SPTB: variants seen among roughly 807,000 people sequenced by gnomAD.
The protein encoded by SPTB is spectrin beta chain, erythrocytic.
A neutral mutation model predicts 256.2 loss-of-function variants in SPTB; 45 were observed. The observed-to-expected ratio is 0.18, with a 90% CI of 0.14 to 0.23. The LOEUF (loss-of-function observed/expected upper bound fraction) is 0.23. Among genes scored for constraint, SPTB ranks in the 10% least tolerant of loss-of-function variants. The pLI, the probability that SPTB is intolerant of heterozygous loss-of-function variation, is 1.00. For synonymous variants in SPTB, 1,231 were observed against 1,243.1 expected, an observed-to-expected ratio of 0.99 and a Z score of 0.21; for missense variants, 2,715 against 3,040.4, an observed-to-expected ratio of 0.89 and a Z score of 2.52.
chr14:64,862,666 G>A (rs1156354491), intron 1 of SPTB, among the ~76,000 whole-genome samples: 1 of 151,982 alleles, frequency 6.6e-6, no homozygotes, highest in Non-Finnish European at 1.5e-5. Flanking sequence ...CTGAGGTCAG[G>A]AGTTCAAGAC....
rs1196071323 is a variant in SPTB, at chr14:64,785,427, TC to T, written c.3855+109del. 6.2e-5 allele frequency: 60 copies of T among 969,352 alleles called. No individual in the cohort carries two copies. In the Admixed American group the frequency reaches 1.2e-3, roughly 19 times the overall value. The allele number at this position is 969,352 out of a possible 1,614,324, so 60.0% of individuals were successfully genotyped here. A position where few individuals can be genotyped will look rare whatever the true frequency, so the allele number is the denominator to read the frequency against. ...TACCCAGAGGTCCCCGCTCATGGAA[TC>T]CCACAGCTCTTGAGCTAGAAAGGAT... On this transcript the variant is annotated intron_variant, in intron 18 of 35. Coordinates refer to ENST00000644917, the MANE Select transcript of SPTB (RefSeq NM_001355436.2). This position sits in a 1 kb window ranked among gnomAD's most constrained non-coding sequence, Gnocchi z 4.4.
rs770916821 is a variant in SPTB, at chr14:64,784,375, C to T, written c.3874G>A (p.Asp1292Asn). The T allele has an allele frequency of 5.0e-6, 8 of 1,614,086 alleles. No homozygotes were observed. Among genetic ancestry groups the T allele is most frequent in the Middle Eastern group, 1.6e-4 (1 of 6,084 alleles). The change falls in exon 19 of 36, where the codon GAC becomes AAC. Residue 1292 changes from aspartate (D) to asparagine (N), a missense_variant. Around this residue, in one of 4 missense-constraint regions of SPTB, gnomAD observed 2,239 missense variants for 2,384.4 expected, o/e 0.94. Transcript: ENST00000644917. Reference sequence around the variant, plus strand: ...ACATCCTGAGATGTCAGCAGCTTGTCGTTGATCCAGAGAGTGAGCTGTGTG... The same window carrying T: ...ACATCCTGAGATGTCAGCAGCTTGTTGTTGATCCAGAGAGTGAGCTGTGTG... ...NCQELTLWIN[D>N]KLLTSQDVSY...
chr14:64,788,492 A>G (rs778990088), intron 15 of SPTB, among the ~76,000 whole-genome samples: 2 of 152,186 alleles, frequency 1.3e-5, no homozygotes, highest in Non-Finnish European at 2.9e-5. Context: ...ATCCTAGACC[A>G]TGAAGACCCC....
intron 2 of SPTB, among the ~76,000 whole-genome samples, chr14:64,810,497 TG>T (rs1038542983): frequency 1.3e-5 from 2 of 152,072 alleles, no homozygotes; most frequent in African/African-American, 4.8e-5. Flanking sequence ...CTGGCCAATA[TG>T]ATGAAACGCC....
chr14:64,822,853 C>CCCAACACACACAGAGGATT, intron 2 of SPTB, 94 bp downstream of exon 2: 1 of 1,571,186 alleles, frequency 6.4e-7, no homozygotes. Flanking sequence ...CCAGGGCTCA[C>CCCAACACACACAGAGGATT]CCAACACACA....
At chr14:64,821,383 C>G (rs1312585322) in intron 2 of SPTB, among the ~76,000 whole-genome samples, 1 of 152,134 alleles carries the variant, frequency 6.6e-6, no homozygotes, top group East Asian at 1.9e-4. Flanking sequence ...GTACAACAAG[C>G]AACTGTTAAA....
chr14:64,843,267 G>A (rs2083636187), intron 1 of SPTB, among the ~76,000 whole-genome samples: 1 of 152,184 alleles, frequency 6.6e-6, no homozygotes, highest in Non-Finnish European at 1.5e-5. Flanking sequence ...GCCAGGAGAA[G>A]ACACGCAGAG....
At chr14:64,818,539 CTCACTGGAG>C (rs1332880057) in intron 2 of SPTB, among the ~76,000 whole-genome samples, 1 of 152,198 alleles carries the variant, frequency 6.6e-6, no homozygotes, top group Non-Finnish European at 1.5e-5. Context: ...AGGCAGCATC[CTCACTGGAG>C]TCACTGGAGT....
At chr14:64,821,844 C>A (rs2083292514) in intron 2 of SPTB, among the ~76,000 whole-genome samples, 1 of 152,160 alleles carries the variant, frequency 6.6e-6, no homozygotes, top group Non-Finnish European at 1.5e-5. Context: ...GAAGCCCAGA[C>A]ACTCCCAAGA....
chr14:64,800,621 A>C (rs886405753), intron 8 of SPTB, 135 bp downstream of exon 8: 6 of 788,344 alleles, frequency 7.6e-6, no homozygotes, highest in Admixed American at 4.0e-5. Flanking sequence ...CAATGTTGCC[A>C]AGGTCAGCTT....
Position 64,784,349 on chromosome 14 carries a change from G to T in SPTB, c.3900C>A (p.Val1300=), listed in dbSNP as rs2082525332. 2.5e-6 allele frequency: 4 copies of T among 1,614,256 alleles called. No individual in the cohort carries two copies. The highest frequency in any genetic ancestry group is 3.4e-6 in the Non-Finnish European group (4 of 1,180,052). Residue 1300 remains valine (V), a synonymous_variant, in exon 19 of 36, where the codon GTC becomes GTA. Coordinates refer to ENST00000644917, the MANE Select transcript of SPTB (RefSeq NM_001355436.2). ...INDKLLTSQD[V]SYDEARNLHN... is the part of the protein sequence containing the mutation. The stretch of plus-strand genomic sequence containing the variant: ...GAAGGTTTCGTGCTTCATCATAGGA[G>T]ACATCCTGAGATGTCAGCAGCTTGT...
rs201489818 is a variant in SPTB, at chr14:64,770,945, C to T, written c.5738G>A (p.Arg1913His). The T allele has an allele frequency of 1.3e-4, 202 of 1,614,112 alleles. No homozygotes were observed. The Admixed American group carries it at 2.2e-3, about 18-fold the overall frequency. Reference protein sequence around the residue: ...ADKFRFFSMARDLLSWMESII... With the variant: ...ADKFRFFSMAHDLLSWMESII... ...GCTCTCCATCCAGGAGAGGAGGTCA[C>T]GGGCCATGCTGAAGAAGCGGAATTT... is the stretch of plus-strand genomic sequence containing the variant. The change falls in exon 27 of 36, where the codon CGT (arginine) becomes CAT (histidine). Residue 1913 changes from arginine to histidine, a missense_variant. Transcript: ENST00000644917.
At chr14:64,850,622 T>C (rs570647780) in intron 1 of SPTB, among the ~76,000 whole-genome samples, 1 of 152,326 alleles carries the variant, frequency 6.6e-6, no homozygotes, top group East Asian at 1.9e-4. Context: ...AAGAGTTCAA[T>C]TCTTGGGAGA....
rs1337741915 is a variant in SPTB, at chr14:64,775,235, G to C, written c.4732C>G (p.Gln1578Glu). 1.2e-6 allele frequency: 2 copies of C among 1,613,676 alleles called. No individual in the cohort carries two copies. The highest frequency in any genetic ancestry group is 2.2e-5 in the South Asian group (2 of 91,090). ...RLREAAAGRL[Q>E]RLRDANEAQQ... ...GCCTCGTTGGCGTCCCTCAGTCGCT[G>C]CAGCCTCCCGGCCGCTGCCTCCCGC... The change falls in exon 23 of 36, where the codon CAG becomes GAG. Residue 1578 changes from glutamine (Q) to glutamate (E), a missense_variant. Gln to Glu is a conservative substitution (Grantham distance 29). Coordinates refer to ENST00000644917, the MANE Select transcript of SPTB (RefSeq NM_001355436.2). The surrounding 1 kb of genome is among the most constrained non-coding windows in gnomAD (Gnocchi z 5.0).
intron 33 of SPTB, 33 bp from the exon 34 acceptor site, chr14:64,750,187 T>C (rs1444028820): frequency 2.5e-6 from 4 of 1,605,366 alleles, no homozygotes; most frequent in Non-Finnish European, 3.4e-6. Flanking sequence ...GTCACCCACA[T>C]CCTGATATGG....
chr14:64,854,423 C>T (rs2083838730), intron 1 of SPTB, among the ~76,000 whole-genome samples: 1 of 150,568 alleles, frequency 6.6e-6, no homozygotes, highest in Admixed American at 6.6e-5. Flanking sequence ...AGACTACAGG[C>T]ACCCGCCACC....
intron 8 of SPTB, among the ~76,000 whole-genome samples, chr14:64,800,392 G>A (rs1221763479): frequency 6.6e-6 from 1 of 152,244 alleles, no homozygotes; most frequent in Non-Finnish European, 1.5e-5. Flanking sequence ...TCTGGCATGA[G>A]GGTCTATACC....
Position 64,769,571 on chromosome 14 carries a change from A to T in SPTB, c.5937+19T>A. 6.2e-7 allele frequency: 1 copy of T among 1,613,482 alleles called. No homozygotes were observed. The highest frequency in any genetic ancestry group is 8.5e-7 in the Non-Finnish European group (1 of 1,179,946). On this transcript the variant is annotated intron_variant, in intron 28 of 35. Transcript: ENST00000644917. ...GACGGAGACGGAGGAGCTCGCCTCC[A>T]TCCTTGCAGTCCCCTCACCTCCTCT...
chr14:64,767,845 G>C lies in SPTB; in HGVS notation c.6037C>G (p.Gln2013Glu). The stretch of plus-strand genomic sequence containing the variant: ...GCCACAGAGGCATCCCTCGAGAACT[G>C]GCACACCTCCAGCACTGCCAGGGGG... Reference protein sequence around the residue: ...ERLRMLLEVCQFSRDASVAEA... With the variant: ...ERLRMLLEVCEFSRDASVAEA... Residue 2013 changes from glutamine (Q) to glutamate (E), a missense_variant, in exon 30 of 36, where the codon CAG becomes GAG. Gln to Glu is a conservative substitution (Grantham distance 29, BLOSUM62 2). Transcript: ENST00000644917. 6.2e-7 allele frequency: 1 copy of C among 1,613,926 alleles called. No individual in the cohort carries two copies.
Sources: allele counts gnomAD v4.1 joint callset (sites outside exome capture counted in the v4.1 genomes callset), GRCh38; gene constraint gnomAD v4.1.1; regional missense constraint gnomAD v4.1.1; non-coding constraint Gnocchi (gnomAD v3.1); transcripts MANE v1.5; gene names NCBI Gene and HGNC (gene_info 2026-07-23, HGNC 2026-07-21).